SLX9: variants seen among roughly 807,000 people sequenced by gnomAD.
SLX9 encodes ribosome biogenesis protein SLX9 homolog.
In SLX9, 19 loss-of-function variants were observed where a neutral mutation model predicts 20.8. That is an observed-to-expected ratio of 0.91 (90% CI 0.64 to 1.34). The LOEUF (loss-of-function observed/expected upper bound fraction) is 1.34. Ranked by LOEUF, SLX9 falls within the 40% of genes most tolerant of loss-of-function variation. The probability of loss-of-function intolerance (pLI) is 0.00; values close to 1 mark genes in which losing one functional copy is unlikely to be tolerated. For missense variants in SLX9, 299 were observed against 322.2 expected, an observed-to-expected ratio of 0.93 and a Z score of 0.55; for synonymous variants, 113 against 137.1, an observed-to-expected ratio of 0.82 and a Z score of 1.23.
chr21:44,954,638 C>T (rs886383620), intron 2 of SLX9, among the ~76,000 whole-genome samples: 1 of 152,198 alleles, frequency 6.6e-6, no homozygotes, highest in African/African-American at 2.4e-5. Context: ...CTCCTCAGCA[C>T]AGTAGCGTCA....
intron 2 of SLX9, among the ~76,000 whole-genome samples, chr21:44,949,372 C>A (rs2146621729): frequency 6.6e-6 from 1 of 152,136 alleles, no homozygotes; most frequent in East Asian, 1.9e-4. Context: ...GGGGTGGATC[C>A]TAGGGATGCA....
chr21:44,975,252 G>T (rs1195828163), intron 5 of SLX9, among the ~76,000 whole-genome samples: 2 of 152,202 alleles, frequency 1.3e-5, no homozygotes, highest in African/African-American at 4.8e-5. Context: ...TTCATGTTGG[G>T]CATGAGCCTT....
intron 1 of SLX9, among the ~76,000 whole-genome samples, chr21:44,942,027 C>A (rs901754688): frequency 6.6e-5 from 10 of 152,228 alleles, no homozygotes; most frequent in Non-Finnish European, 1.3e-4. Flanking sequence ...ACATCTCTCT[C>A]TACTAGCAGG....
At chr21:44,947,480 A>C (rs73906965) in intron 2 of SLX9, among the ~76,000 whole-genome samples, 10,285 of 151,400 alleles carry the variant, frequency 0.068, 1,153 homozygotes, top group African/African-American at 0.23. Flanking sequence ...CTCCTCCCCC[A>C]CTCTAGCCCT....
At chr21:44,970,003 G>A (rs770741943) in intron 4 of SLX9, among the ~76,000 whole-genome samples, 13 of 152,202 alleles carry the variant, frequency 8.5e-5, no homozygotes, top group Non-Finnish European at 1.6e-4. Flanking sequence ...TGGGGAGGAA[G>A]CCCCCAGAGG....
intron 2 of SLX9, among the ~76,000 whole-genome samples, chr21:44,957,845 A>T (rs549173748): frequency 6.6e-6 from 1 of 152,152 alleles, no homozygotes; most frequent in Non-Finnish European, 1.5e-5. Flanking sequence ...CCGTCTCCTG[A>T]CACCTTTGAG....
At chr21:44,954,829 C>G (rs2084825619) in intron 2 of SLX9, among the ~76,000 whole-genome samples, 2 of 152,216 alleles carry the variant, frequency 1.3e-5, no homozygotes, top group South Asian at 4.1e-4. Context: ...TTCCAGGACA[C>G]TGTCTTTGAC....
At chr21:44,971,418 G>GGGGTGTGGGACGCGT (rs2085146865) in intron 4 of SLX9, among the ~76,000 whole-genome samples, 1 of 152,180 alleles carries the variant, frequency 6.6e-6, no homozygotes, top group Non-Finnish European at 1.5e-5. Context: ...CTGGGAGGAT[G>GGGGTGTGGGACGCGT]GGGTGTGGGA....
intron 2 of SLX9, 41 bp downstream of exon 2, chr21:44,943,878 G>A (rs1309664169): frequency 1.9e-6 from 3 of 1,612,288 alleles, no homozygotes; most frequent in East Asian, 2.2e-5. Flanking sequence ...ATACCCAGCA[G>A]GTCTGGGATT....
intron 3 of SLX9, 108 bp downstream of exon 3, chr21:44,960,276 C>T (rs1017128618): frequency 1.2e-5 from 13 of 1,050,590 alleles, no homozygotes; most frequent in Admixed American, 3.7e-5. Flanking sequence ...CCACACTCCC[C>T]GAGGAGTGCC....
At chr21:44,971,294 G>C (rs1395036314) in intron 4 of SLX9, among the ~76,000 whole-genome samples, 1 of 152,208 alleles carries the variant, frequency 6.6e-6, no homozygotes, top group East Asian at 1.9e-4. Context: ...GTTAGGCCTC[G>C]TGGAGTCGCG....
intron 2 of SLX9, among the ~76,000 whole-genome samples, chr21:44,944,839 C>G: frequency 6.6e-6 from 1 of 152,262 alleles, no homozygotes; most frequent in South Asian, 2.1e-4. Flanking sequence ...TAGCCTCTGG[C>G]TGGACACTTG....
intron 3 of SLX9, among the ~76,000 whole-genome samples, chr21:44,964,819 CCTG>C (rs2146662954): frequency 6.6e-6 from 1 of 152,296 alleles, no homozygotes; most frequent in African/African-American, 2.4e-5. Context: ...TCGAGTGGCT[CCTG>C]CTGTATTTTT....
chr21:44,947,868 C>T (rs537178375), intron 2 of SLX9, among the ~76,000 whole-genome samples: 47 of 152,330 alleles, frequency 3.1e-4, no homozygotes, highest in African/African-American at 1.0e-3. Context: ...GCCTGTGGGC[C>T]GGGTTGTGCA....
intron 2 of SLX9, among the ~76,000 whole-genome samples, chr21:44,946,468 T>G (rs1293265519): frequency 6.6e-6 from 1 of 151,700 alleles, no homozygotes; most frequent in Admixed American, 6.5e-5. Flanking sequence ...GGTCAGGGTT[T>G]TGGGTGTTGG....
chr21:44,948,337 C>T lies in SLX9; in HGVS notation c.283+4500C>T, dbSNP rs10460740. On this transcript the variant is annotated intron_variant, in intron 2 of 5. Transcript: ENST00000291634. ...AGCTGGTCGTGGAGCATCGGGCGTC[C>T]GGGGAGCTGGTCGTGGAGCATCGGG... 5.1e-3 allele frequency among the ~76,000 whole-genome samples: 607 copies of T among 119,422 alleles called. 13 individuals carry two copies. Among genetic ancestry groups the T allele is most frequent in the East Asian group, 0.05 (197 of 3,960 alleles). 78.3% of individuals were successfully genotyped at this position (119,422 alleles called of 152,430 possible). A position where few individuals can be genotyped will look rare whatever the true frequency, so the allele number is the denominator to read the frequency against.
chr21:44,959,167 A>G lies in SLX9; in HGVS notation c.284-933A>G, dbSNP rs540335001. ...TCCTGAAGTGAAGTCTGAAATGCAG[A>G]GCGCAGCGACTGCCTTTCTCCAGGC... On this transcript the variant is annotated intron_variant, in intron 2 of 5. Transcript: ENST00000291634. The G allele has an allele frequency of 6.1e-6, 6 of 977,732 alleles. No homozygotes were observed. The East Asian group carries it at 5.7e-4, about 93-fold the overall frequency. The allele number at this position is 977,732 out of a possible 1,614,324, so 60.6% of individuals were successfully genotyped here. A position where few individuals can be genotyped will look rare whatever the true frequency, so the allele number is the denominator to read the frequency against.
intron 2 of SLX9, among the ~76,000 whole-genome samples, chr21:44,945,783 T>C (rs1227536978): frequency 6.6e-6 from 1 of 152,242 alleles, no homozygotes; most frequent in Non-Finnish European, 1.5e-5. Context: ...TGATCTTGGC[T>C]CACTGCAACC....
chr21:44,958,157 C>G (rs1034763412), intron 2 of SLX9: 1 of 152,372 alleles, frequency 6.6e-6, no homozygotes, highest in Admixed American at 6.5e-5. Flanking sequence ...TCAGGTGTGG[C>G]CCCTGCTGCC....
Sources: gnomAD v4.1 joint callset for allele counts (sites outside exome capture counted in the v4.1 genomes callset) on GRCh38, gnomAD v4.1.1 for gene constraint, MANE v1.5 for transcripts, NCBI Gene and HGNC (gene_info 2026-07-23, HGNC 2026-07-21) for gene names.